Variants in CNTN5 observed in about 807,000 individuals in gnomAD.
CNTN5 encodes contactin 5.
Under a neutral mutation model 129.1 loss-of-function variants are expected in CNTN5, and 77 were observed. That is an observed-to-expected ratio of 0.60 (90% CI 0.50 to 0.72). The LOEUF (loss-of-function observed/expected upper bound fraction) is 0.72. CNTN5 is among the 30% of genes least tolerant of loss of function. The pLI is 0.00. For missense variants in CNTN5, 1,478 were observed against 1,328.8 expected, an observed-to-expected ratio of 1.11 and a Z score of -1.75; for synonymous variants, 509 against 465.6, an observed-to-expected ratio of 1.09 and a Z score of -1.20.
chr11:100,134,545 T>G (rs1946467617), intron 13 of CNTN5, among the ~76,000 whole-genome samples: 1 of 152,168 alleles, frequency 6.6e-6, no homozygotes, highest in Admixed American at 6.6e-5. Context: ...CATGTATTTC[T>G]TTATCAATCA....
intron 8 of CNTN5, among the ~76,000 whole-genome samples, chr11:99,992,583 C>A (rs1473629598): frequency 6.6e-6 from 1 of 152,028 alleles, no homozygotes; most frequent in Non-Finnish European, 1.5e-5. Flanking sequence ...ATAGCCCTAC[C>A]TTCAAAAAAT....
intron 9 of CNTN5, among the ~76,000 whole-genome samples, chr11:100,025,466 G>A (rs1225471693): frequency 1.3e-5 from 2 of 152,172 alleles, no homozygotes; most frequent in Non-Finnish European, 2.9e-5. Flanking sequence ...CCCCACTGGG[G>A]CACTGCCTAC....
chr11:99,156,309 C>A (rs757335753), intron 1 of CNTN5, among the ~76,000 whole-genome samples: 6 of 151,928 alleles, frequency 3.9e-5, no homozygotes, highest in Non-Finnish European at 8.8e-5. Flanking sequence ...TTTTTAAACT[C>A]ATTAGTAAAT....
At chr11:99,696,887 T>C (rs1461510784) in intron 3 of CNTN5, among the ~76,000 whole-genome samples, 1 of 151,898 alleles carries the variant, frequency 6.6e-6, no homozygotes, top group African/African-American at 2.4e-5. Flanking sequence ...AAGGTTTCTA[T>C]GCACATAATA....
intron 8 of CNTN5, among the ~76,000 whole-genome samples, chr11:99,977,421 T>A (rs1054984596): frequency 1.3e-5 from 2 of 152,140 alleles, no homozygotes; most frequent in African/African-American, 4.8e-5. Flanking sequence ...TGGTAGCAAT[T>A]TTTATATTAG....
chr11:99,668,572 A>G (rs1952896079), intron 3 of CNTN5, among the ~76,000 whole-genome samples: 1 of 151,906 alleles, frequency 6.6e-6, no homozygotes, highest in Admixed American at 6.6e-5. Context: ...TTTGAACCAG[A>G]AAAAAACATT....
At chr11:99,486,918 G>A (rs7129103) in intron 2 of CNTN5, among the ~76,000 whole-genome samples, 86,471 of 151,966 alleles carry the variant, frequency 0.57, 24,908 homozygotes, top group South Asian at 0.65. Flanking sequence ...CTTATAGACA[G>A]TGAGCTATAT....
rs1407750555 is a variant in CNTN5, at chr11:99,345,039, C to T, written c.-71+19555C>T. 2.6e-5 allele frequency among the ~76,000 whole-genome samples: 4 copies of T among 152,092 alleles called. No homozygotes were observed. The South Asian group carries it at 8.3e-4, about 31-fold the overall frequency. On this transcript the variant is annotated intron_variant, in intron 2 of 24. Transcript: ENST00000524871. ...AATGGACATAGTCAAGACCCCTGGA[C>T]GTGGAACCTTTTTCTCAGGCCAATA...
At chr11:99,131,689 G>T (rs1234977602) in intron 1 of CNTN5, among the ~76,000 whole-genome samples, 1 of 152,076 alleles carries the variant, frequency 6.6e-6, no homozygotes, top group Non-Finnish European at 1.5e-5. Flanking sequence ...ACCCTCCCAA[G>T]ACTGAAGCAC....
At chr11:99,287,130 T>C (rs953626392) in intron 1 of CNTN5, among the ~76,000 whole-genome samples, 35 of 152,134 alleles carry the variant, frequency 2.3e-4, no homozygotes, top group African/African-American at 7.7e-4. Flanking sequence ...TGCTCTTTCA[T>C]TGGAAACATT....
At chr11:99,588,563 AG>A (rs912521601) in intron 3 of CNTN5, among the ~76,000 whole-genome samples, 26 of 152,124 alleles carry the variant, frequency 1.7e-4, no homozygotes, top group Admixed American at 6.5e-5. Flanking sequence ...GTGAGCTCTT[AG>A]GGGGCACGTG....
chr11:99,555,375 T>C (rs1250943204), intron 2 of CNTN5, among the ~76,000 whole-genome samples: 5 of 152,016 alleles, frequency 3.3e-5, no homozygotes, highest in African/African-American at 1.2e-4. Context: ...AAACTTCCAA[T>C]ATATATTTGT....
chr11:99,864,459 G>A (rs567803165), intron 6 of CNTN5, among the ~76,000 whole-genome samples: 2 of 152,122 alleles, frequency 1.3e-5, no homozygotes, highest in East Asian at 3.9e-4. Context: ...ACCCTTTTTA[G>A]ATGATGTTTT....
intron 6 of CNTN5, among the ~76,000 whole-genome samples, chr11:99,869,425 T>C (rs1160124070): frequency 6.6e-6 from 1 of 152,182 alleles, no homozygotes; most frequent in East Asian, 1.9e-4. Flanking sequence ...ATATCTTACA[T>C]TAAAGAGACC....
intron 4 of CNTN5, among the ~76,000 whole-genome samples, chr11:99,834,366 A>AAATATTGT (rs1355063324): frequency 1.3e-5 from 2 of 152,148 alleles, no homozygotes; most frequent in Non-Finnish European, 2.9e-5. Context: ...TTATTGAATT[A>AAATATTGT]AATATTGTTT....
At chr11:99,201,373 T>TCCTTCCTTCCTTCCTTCCTTCCTC (rs1859189910) in intron 1 of CNTN5, among the ~76,000 whole-genome samples, 1 of 148,056 alleles carries the variant, frequency 6.8e-6, no homozygotes, top group South Asian at 2.2e-4. Flanking sequence ...CTTCCTTCCT[T>TCCTTCCTTCCTTCCTTCCTTCCTC]CCTTCCTTCT....
At chr11:99,681,214 A>G (rs901255033) in intron 3 of CNTN5, among the ~76,000 whole-genome samples, 1 of 152,060 alleles carries the variant, frequency 6.6e-6, no homozygotes, top group Non-Finnish European at 1.5e-5. Flanking sequence ...CAAAGTCTTT[A>G]TAATATTATA....
At chr11:99,376,909 A>C (rs921943978) in intron 2 of CNTN5, among the ~76,000 whole-genome samples, 1 of 152,200 alleles carries the variant, frequency 6.6e-6, no homozygotes, top group Non-Finnish European at 1.5e-5. Flanking sequence ...TAGTGAACAG[A>C]ATTCGATTTA....
intron 3 of CNTN5, among the ~76,000 whole-genome samples, chr11:99,684,515 A>G (rs1953701209): frequency 6.6e-6 from 1 of 151,862 alleles, no homozygotes; most frequent in Admixed American, 6.6e-5. Context: ...CTGCCATTAT[A>G]ATATTGCATA....
Sources: allele counts gnomAD v4.1 joint callset (sites outside exome capture counted in the v4.1 genomes callset), GRCh38; gene constraint gnomAD v4.1.1; transcripts MANE v1.5; gene names NCBI Gene and HGNC (gene_info 2026-07-23, HGNC 2026-07-21).